Variants in PRDM6 observed in about 807,000 individuals in gnomAD.
The protein encoded by PRDM6 is putative histone-lysine N-methyltransferase PRDM6.
A neutral mutation model predicts 60.8 loss-of-function variants in PRDM6; 25 were observed. The observed-to-expected ratio is 0.41, with a 90% CI of 0.30 to 0.57. The LOEUF (loss-of-function observed/expected upper bound fraction) is 0.57, where lower values mean the gene tolerates loss of function less well. PRDM6 is among the 20% of genes least tolerant of loss of function. PRDM6 has a pLI of 0.27. For synonymous variants in PRDM6, 407 were observed against 357.4 expected (o/e 1.14, Z -1.57); for missense variants, 839 against 821.3 (o/e 1.02, Z -0.26).
intron 5 of PRDM6, among the ~76,000 whole-genome samples, chr5:123,162,019 C>T (rs1026145003): frequency 3.9e-5 from 6 of 152,126 alleles, no homozygotes; most frequent in African/African-American, 1.2e-4. Context: ...GTAAATCCAA[C>T]AGCATTTTCT....
Position 123,090,441 on chromosome 5 carries a change from T to C in PRDM6, c.427T>C (p.Ser143Pro). The C allele has an allele frequency of 1.4e-6, 2 of 1,453,794 alleles. No homozygotes were observed. Among genetic ancestry groups the C allele is most frequent in the Non-Finnish European group, 1.8e-6 (2 of 1,112,770 alleles). The allele number at this position is 1,453,794 out of a possible 1,614,324, so 90.1% of individuals were successfully genotyped here. A position where few individuals can be genotyped will look rare whatever the true frequency, so the allele number is the denominator to read the frequency against. ...CAAGGAACTGTGCCTCGGCGCCACC[T>C]CCGGCCCCGGGCCCGTCAAGTGCGG... The part of the protein sequence containing the change: ...PPKELCLGAT[S>P]GPGPVKCGGG... Residue 143 changes from serine (S) to proline (P), a missense_variant, in exon 2 of 8, where the codon TCC (serine) becomes CCC (proline). Physicochemically the swap from Ser to Pro is moderately conservative, Grantham distance 74. Around this residue, in one of 2 missense-constraint regions of PRDM6, gnomAD observed 730 missense variants for 648.8 expected, o/e 1.13. Transcript: ENST00000407847.
At position 123,102,348 on chromosome 5, in the gene PRDM6, T is replaced by G. The variant is rs140856119; in HGVS notation, c.900+2387T>G. 9.4e-4 allele frequency among the ~76,000 whole-genome samples: 143 copies of G among 152,308 alleles called. 2 individuals are homozygous for G. Among genetic ancestry groups the G allele is most frequent in the African/African-American group, 3.3e-3 (139 of 41,582 alleles). On this transcript the variant is annotated intron_variant, in intron 3 of 7. Coordinates refer to ENST00000407847, the MANE Select transcript of PRDM6 (RefSeq NM_001136239.4). ...AAATTTTTAAGCATTATGATTTATT[T>G]TTATGAAACATGACCGTTTGAATTG...
intron 3 of PRDM6, among the ~76,000 whole-genome samples, chr5:123,125,173 C>CCA (rs1425005486): frequency 1.3e-5 from 2 of 149,678 alleles, no homozygotes; most frequent in South Asian, 2.1e-4. Context: ...GCCGGCCCCG[C>CCA]CACACACACA....
Position 123,189,029 on chromosome 5 carries a change from C to T in PRDM6, c.*1828C>T, listed in dbSNP as rs1373988218. 6.6e-6 allele frequency: 1 copy of T among 152,170 alleles called. No homozygotes were observed. Among genetic ancestry groups the T allele is most frequent in the Non-Finnish European group, 1.5e-5 (1 of 68,036 alleles). The allele number at this position is 152,170 out of a possible 1,614,324, so 9.4% of individuals were successfully genotyped here. ...CTCAAGCCATTCACCTAGAATTTTC[C>T]TCCAGTTCTTACTATCTCCTGGTCA... is the stretch of plus-strand genomic sequence containing the variant. On this transcript the variant is annotated 3_prime_UTR_variant, in exon 8 of 8. Transcript: ENST00000407847.
chr5:123,173,225 T>C (rs1014281693), intron 6 of PRDM6, among the ~76,000 whole-genome samples: 41 of 151,950 alleles, frequency 2.7e-4, no homozygotes, highest in African/African-American at 8.4e-4. Context: ...TGTGTTATGA[T>C]GTCTGTCCTG....
chr5:123,105,933 C>G (rs769004023), intron 3 of PRDM6, among the ~76,000 whole-genome samples: 2 of 152,226 alleles, frequency 1.3e-5, no homozygotes, highest in Non-Finnish European at 2.9e-5. Flanking sequence ...TCATGTCAAT[C>G]CTTTTTGTGT....
At position 123,186,474 on chromosome 5, in the gene PRDM6, C is replaced by T. The variant is rs574832988; in HGVS notation, c.1674-613C>T. On this transcript the variant is annotated intron_variant, in intron 7 of 7. Coordinates refer to ENST00000407847, the MANE Select transcript of PRDM6 (RefSeq NM_001136239.4). Reference sequence around the variant, plus strand: ...ATTCTAGCCCATAGGTACATCCTTTCCACTGTGCCACTGCAAATTCTAGTT... The same window carrying T: ...ATTCTAGCCCATAGGTACATCCTTTTCACTGTGCCACTGCAAATTCTAGTT... Among the ~76,000 whole-genome samples the T allele has an allele frequency of 4.6e-5, 7 of 152,328 alleles. No homozygotes were observed. In the East Asian group the frequency reaches 1.2e-3, roughly 25 times the overall value.
At chr5:123,163,443 T>G (rs1041687886) in intron 5 of PRDM6, among the ~76,000 whole-genome samples, 9 of 152,172 alleles carry the variant, frequency 5.9e-5, no homozygotes, top group Non-Finnish European at 1.2e-4. Flanking sequence ...AGGGCGGCCG[T>G]GGGTACACTC....
chr5:123,101,724 G>T (rs1025605982), intron 3 of PRDM6, among the ~76,000 whole-genome samples: 2 of 152,212 alleles, frequency 1.3e-5, no homozygotes, highest in African/African-American at 4.8e-5. Flanking sequence ...ATAGTTCATT[G>T]TGGGTTTTTT....
At chr5:123,150,585 A>G (rs1169948263) in intron 3 of PRDM6, among the ~76,000 whole-genome samples, 1 of 152,218 alleles carries the variant, frequency 6.6e-6, no homozygotes, top group East Asian at 1.9e-4. Flanking sequence ...GTAGTAAAAC[A>G]TATTTATCTA....
intron 5 of PRDM6, among the ~76,000 whole-genome samples, chr5:123,163,055 A>G (rs1397566539): frequency 6.7e-6 from 1 of 148,904 alleles, no homozygotes; most frequent in Non-Finnish European, 1.5e-5. Context: ...CACAAAATAA[A>G]TTAGGTACCT....
At chr5:123,117,048 A>G (rs1561821484) in intron 3 of PRDM6, among the ~76,000 whole-genome samples, 3 of 152,062 alleles carry the variant, frequency 2.0e-5, no homozygotes, top group East Asian at 1.9e-4. Context: ...ACTAAGTTCT[A>G]TTGTGAGATT....
intron 6 of PRDM6, among the ~76,000 whole-genome samples, chr5:123,175,172 G>C (rs1765977354): frequency 6.6e-6 from 1 of 152,216 alleles, no homozygotes; most frequent in Admixed American, 6.5e-5. Context: ...AATCACAATG[G>C]ATTGTTTTCT....
chr5:123,109,373 G>A (rs879658622), intron 3 of PRDM6, among the ~76,000 whole-genome samples: 4 of 152,074 alleles, frequency 2.6e-5, no homozygotes, highest in Non-Finnish European at 5.9e-5. Flanking sequence ...GATGACTTTT[G>A]TGTAGTAATT....
rs776488469 is a variant in PRDM6, at chr5:123,110,032, G to C, written c.900+10071G>C. ...CATAGTGGCATATTTGGCACTGTCT[G>C]TAAAAATGTGTGTGCAGCCATATGT... On this transcript the variant is annotated intron_variant, in intron 3 of 7. Transcript: ENST00000407847. 6.6e-5 allele frequency among the ~76,000 whole-genome samples: 10 copies of C among 152,126 alleles called. No individual in the cohort carries two copies. In the East Asian group the frequency reaches 1.7e-3, roughly 26 times the overall value.
chr5:123,156,611 C>A (rs991313268), intron 4 of PRDM6, among the ~76,000 whole-genome samples: 1 of 152,184 alleles, frequency 6.6e-6, no homozygotes, highest in Non-Finnish European at 1.5e-5. Context: ...AGTTTCCGGG[C>A]ATAGAGAAGC....
At position 123,093,309 on chromosome 5, in the gene PRDM6, G is replaced by A. The variant is rs565441440; in HGVS notation, c.592+2703G>A. ...TTACTTCTCCCTTCCCTTTAGCAAA[G>A]TAACTTTTTGCCTAGGATCAGCAAT... On this transcript the variant is annotated intron_variant, in intron 2 of 7. Transcript: ENST00000407847. Among the ~76,000 whole-genome samples the A allele has an allele frequency of 3.3e-5, 5 of 152,238 alleles. No individual in the cohort carries two copies. In the South Asian group the frequency reaches 1.0e-3, roughly 32 times the overall value.
At chr5:123,129,045 G>A (rs188937991) in intron 3 of PRDM6, among the ~76,000 whole-genome samples, 1 of 151,966 alleles carries the variant, frequency 6.6e-6, no homozygotes, top group Non-Finnish European at 1.5e-5. Flanking sequence ...TCTTATTTTT[G>A]TCAGGTTTGT....
intron 3 of PRDM6, among the ~76,000 whole-genome samples, chr5:123,130,212 TCCCTTCCCTTCCTCTCCCCTC>T (rs1250687443): frequency 9.6e-5 from 7 of 73,160 alleles, no homozygotes; most frequent in Non-Finnish European, 1.6e-4. Context: ...CCTTCCCTTT[TCCCTTCCCTTCCTCTCCCCTC>T]CCCTTCCCTT....
Sources: gnomAD v4.1 joint callset for allele counts (sites outside exome capture counted in the v4.1 genomes callset) on GRCh38, gnomAD v4.1.1 for gene constraint, gnomAD v4.1.1 regional missense constraint, MANE v1.5 for transcripts, NCBI Gene and HGNC (gene_info 2026-07-23, HGNC 2026-07-21) for gene names.